The following TCN2 variants were observed in gnomAD, a reference collection of about 807,000 sequenced individuals.
The protein encoded by TCN2 is transcobalamin 2, also known as transcobalamin-2.
TCN2 carries 34 observed loss-of-function variants against 48.6 expected under a neutral mutation model. The ratio of observed to expected loss-of-function variants is 0.70; its 90% CI spans 0.53 to 0.93. TCN2 has a LOEUF of 0.93. TCN2 is among the 40% of genes least tolerant of loss of function. The pLI is 0.00. For missense variants in TCN2, 652 were observed against 526.1 expected (o/e 1.24, Z -2.34); for synonymous variants, 283 against 212.5 (o/e 1.33, Z -2.89).
chr22:30,610,349 C>A lies in TCN2; in HGVS notation c.65-522C>A. 4.3e-6 allele frequency: 2 copies of A among 466,600 alleles called. 1 individual carries two copies. Among genetic ancestry groups the A allele is most frequent in the South Asian group, 3.1e-5 (2 of 63,892 alleles). The allele number at this position is 466,600 out of a possible 1,614,324, so 28.9% of individuals were successfully genotyped here. ...GAAATTTGATGTGTAACACGTTCTG[C>A]ATGTGGGCTGATGTTTTTGTAAACG... On this transcript the variant is annotated intron_variant, in intron 1 of 8. Transcript: ENST00000215838.
chr22:30,610,450 G>C (rs2087519682), intron 1 of TCN2: 2 of 374,618 alleles, frequency 5.3e-6, no homozygotes, highest in South Asian at 4.1e-5. Context: ...CTGCAGCCTT[G>C]TGTAAGACAT....
At chr22:30,621,804 A>G (rs1432424999) in intron 7 of TCN2, among the ~76,000 whole-genome samples, 1 of 152,008 alleles carries the variant, frequency 6.6e-6, no homozygotes, top group African/African-American at 2.4e-5. Flanking sequence ...CTTTTGAAAG[A>G]CCATTCCCCC....
rs998171723 is a variant in TCN2 at position 30,607,194 on chromosome 22, C to G, written c.-138C>G. 2 of 952,644 alleles carry G rather than the reference C, an allele frequency of 2.1e-6. No homozygotes were observed. Among genetic ancestry groups the G allele is most frequent in the African/African-American group, 1.6e-5 (1 of 62,212 alleles). 59.0% of individuals were successfully genotyped at this position (952,644 alleles called of 1,614,324 possible). ...CCTCTGCAGACTTAGCCGTGCATTG[C>G]AGGCATGGAGGATTAATCAGTGACA... On this transcript the variant is annotated 5_prime_UTR_variant, in exon 1 of 9. Transcript: ENST00000215838.
intron 7 of TCN2, chr22:30,617,789 T>C (rs1207022074): frequency 6.6e-6 from 3 of 455,276 alleles, no homozygotes; most frequent in Non-Finnish European, 1.2e-5. Context: ...AGAACAGTTG[T>C]GCCCCTTCCC....
intron 8 of TCN2, among the ~76,000 whole-genome samples, chr22:30,624,085 T>TA (rs1569047396): frequency 6.3e-5 from 8 of 127,278 alleles, no homozygotes; most frequent in African/African-American, 1.5e-4. Context: ...TATATATTTT[T>TA]TTTTTTTGAG....
intron 7 of TCN2, 170 bp downstream of exon 7, chr22:30,617,665 G>C (rs1463338040): frequency 1.7e-5 from 15 of 895,988 alleles, no homozygotes; most frequent in Non-Finnish European, 2.6e-5. Flanking sequence ...TGGAAACAGG[G>C]AGCCATAGGC....
At position 30,627,106 on chromosome 22, in the gene TCN2, CAA is replaced by C. The variant is rs1264798982; in HGVS notation, c.*586_*587del. ...TACTCCTCAGGTGCAGGGGCAGGGA[CAA>C]GAGAAGGGGGAAGTAACCCCATCAG... is the stretch of plus-strand genomic sequence containing the variant. On this transcript the variant is annotated 3_prime_UTR_variant, in exon 9 of 9. Coordinates refer to ENST00000215838, the MANE Select transcript of TCN2 (RefSeq NM_000355.4). The C allele has an allele frequency of 3.6e-5, 6 of 167,368 alleles. No homozygotes were observed. Among genetic ancestry groups the C allele is most frequent in the African/African-American group, 9.5e-5 (4 of 41,948 alleles). The allele number at this position is 167,368 out of a possible 1,614,324, so 10.4% of individuals were successfully genotyped here. A position where few individuals can be genotyped will look rare whatever the true frequency, so the allele number is the denominator to read the frequency against.
In TCN2 at chr22:30,626,589, C is replaced by T; in HGVS notation, c.*68C>T. ...GCTTCTACCCTCCCTCCTGATGTCC[C>T]TGGAACAGGAACTCGCCTGACCCTG... On this transcript the variant is annotated 3_prime_UTR_variant, in exon 9 of 9. Coordinates refer to ENST00000215838, the MANE Select transcript of TCN2 (RefSeq NM_000355.4). The T allele has an allele frequency of 5.7e-6, 9 of 1,568,866 alleles. No homozygotes were observed. Among genetic ancestry groups the T allele is most frequent in the Non-Finnish European group, 7.9e-6 (9 of 1,141,754 alleles).
At position 30,623,779 on chromosome 22, in the gene TCN2, T is replaced by C. The variant is rs112309732; in HGVS notation, c.1222+696T>C. ...ATATGTATATATATATACACACATA[T>C]ATATGTATACATATATACACACATA... On this transcript the variant is annotated intron_variant, in intron 8 of 8. Transcript: ENST00000215838. 2.9e-4 allele frequency among the ~76,000 whole-genome samples: 11 copies of C among 38,292 alleles called. 5 individuals carry two copies. Among genetic ancestry groups the C allele is most frequent in the African/African-American group, 9.5e-4 (4 of 4,222 alleles). 25.1% of individuals were successfully genotyped at this position (38,292 alleles called of 152,430 possible).
At chr22:30,618,477 G>A (rs1299996459) in intron 7 of TCN2, among the ~76,000 whole-genome samples, 2 of 151,848 alleles carry the variant, frequency 1.3e-5, no homozygotes. Flanking sequence ...TCAGCCTCCT[G>A]AGTAGCTGGC....
chr22:30,611,455 A>G (rs2087539851), intron 2 of TCN2, among the ~76,000 whole-genome samples: 1 of 152,154 alleles, frequency 6.6e-6, no homozygotes, highest in Admixed American at 6.5e-5. Flanking sequence ...CTCCCCTCCC[A>G]TGCATGAGGC....
intron 1 of TCN2, among the ~76,000 whole-genome samples, chr22:30,609,232 G>C (rs1232333522): frequency 2.0e-5 from 3 of 151,516 alleles, no homozygotes; most frequent in African/African-American, 7.3e-5. Context: ...CAAACTCCTA[G>C]GGTCAAGCGA....
At chr22:30,623,287 G>C in intron 8 of TCN2, 7 of 462,942 alleles carry the variant, frequency 1.5e-5, no homozygotes, top group Admixed American at 3.7e-5. Flanking sequence ...TAGGAAACCA[G>C]ACAGATTACA....
rs770099587 is a variant in TCN2 at position 30,626,471 on chromosome 22, TAC to T, written c.1236_1237del (p.Tyr412Ter). 1 of 1,614,018 alleles carries T rather than the reference TAC, an allele frequency of 6.2e-7. No homozygotes were observed. Among genetic ancestry groups the T allele is most frequent in the African/African-American group, 1.3e-5 (1 of 74,898 alleles). On this transcript the variant is annotated frameshift_variant, in exon 9 of 9. Coordinates refer to ENST00000215838, the MANE Select transcript of TCN2 (RefSeq NM_000355.4). LOFTEE classifies it high-confidence loss of function. The stretch of plus-strand genomic sequence containing the variant: ...ATCTGTTTCTGCAGGTATTGCTGAC[TAC>T]AGACCCAAGGATGGAGAAACCATTG... ...NTPLLQGIAD[Y>X]RPKDGETIEL... is the part of the protein sequence containing the mutation.
chr22:30,609,570 A>G (rs1460466239), intron 1 of TCN2, among the ~76,000 whole-genome samples: 3 of 121,284 alleles, frequency 2.5e-5, no homozygotes, highest in Non-Finnish European at 5.1e-5. Context: ...AGAAAAGGGA[A>G]AAGGAAAGAG....
intron 1 of TCN2, chr22:30,610,432 C>G (rs2087519430): frequency 2.6e-6 from 1 of 385,824 alleles, no homozygotes. Flanking sequence ...TTAGGTCCAT[C>G]CTTGGCTCTG....
rs1356017294 is a variant in TCN2, at chr22:30,607,213, A to G, written c.-119A>G. ...GCATTGCAGGCATGGAGGATTAATC[A>G]GTGACAGGAAGCTGCGTCTCTCGGA... On this transcript the variant is annotated 5_prime_UTR_variant, in exon 1 of 9. Coordinates refer to ENST00000215838, the MANE Select transcript of TCN2 (RefSeq NM_000355.4). 6 of 1,090,752 alleles carry G rather than the reference A, an allele frequency of 5.5e-6. No homozygotes were observed. The highest frequency in any genetic ancestry group is 2.5e-4 in the Middle Eastern group (1 of 3,962). 67.6% of individuals were successfully genotyped at this position (1,090,752 alleles called of 1,614,324 possible).
intron 7 of TCN2, among the ~76,000 whole-genome samples, chr22:30,622,424 G>A (rs555523922): frequency 2.0e-5 from 3 of 152,288 alleles, no homozygotes; most frequent in African/African-American, 7.2e-5. Flanking sequence ...GCCAGAAACC[G>A]AACTCCAAGC....
chr22:30,626,614 G>C lies in TCN2; in HGVS notation c.*93G>C, dbSNP rs886057398. The stretch of plus-strand genomic sequence containing the variant: ...CTGGAACAGGAACTCGCCTGACCCT[G>C]CTGCCACCTCCTGTGCACTTTGAGC... On this transcript the variant is annotated 3_prime_UTR_variant, in exon 9 of 9. Coordinates refer to ENST00000215838, the MANE Select transcript of TCN2 (RefSeq NM_000355.4). 7 of 1,397,152 alleles carry C rather than the reference G, an allele frequency of 5.0e-6. No homozygotes were observed. Among genetic ancestry groups the C allele is most frequent in the Non-Finnish European group, 6.0e-6 (6 of 993,186 alleles). 86.5% of individuals were successfully genotyped at this position (1,397,152 alleles called of 1,614,324 possible). A position where few individuals can be genotyped will look rare whatever the true frequency, so the allele number is the denominator to read the frequency against.
Sources: gnomAD v4.1 joint callset for allele counts (sites outside exome capture counted in the v4.1 genomes callset) on GRCh38, gnomAD v4.1.1 for gene constraint, MANE v1.5 for transcripts, NCBI Gene and HGNC (gene_info 2026-07-23, HGNC 2026-07-21) for gene names.